The following CDH18 variants were observed in gnomAD, a reference collection of about 807,000 sequenced individuals.
The protein encoded by CDH18 is cadherin-18.
A neutral mutation model predicts 67.9 loss-of-function variants in CDH18; 31 were observed. That is an observed-to-expected ratio of 0.46 (90% CI 0.34 to 0.62). The LOEUF is 0.62. Ranked by LOEUF, CDH18 falls within the 20% of genes least tolerant of loss-of-function variation. CDH18 has a pLI of 0.01. For synonymous variants in CDH18, 362 were observed against 347.2 expected (o/e 1.04, Z -0.48); for missense variants, 890 against 975.5 (o/e 0.91, Z 1.17).
chr5:19,801,077 A>T (rs561522165), intron 3 of CDH18, among the ~76,000 whole-genome samples: 1 of 152,066 alleles, frequency 6.6e-6, no homozygotes, highest in East Asian at 1.9e-4. Context: ...GCGCCACTGC[A>T]CTCCAGCCTG....
intron 1 of CDH18, among the ~76,000 whole-genome samples, chr5:20,550,968 A>T (rs1757602196): frequency 6.6e-6 from 1 of 152,144 alleles, no homozygotes; most frequent in African/African-American, 2.4e-5. Context: ...CCTTTTAAAC[A>T]GCCAGCTCTC....
chr5:19,566,896 A>C (rs533916606), intron 8 of CDH18, among the ~76,000 whole-genome samples: 2 of 152,222 alleles, frequency 1.3e-5, no homozygotes, highest in Non-Finnish European at 2.9e-5. Context: ...ACAGTAATTC[A>C]GCCATAAAAT....
chr5:19,687,188 G>A (rs577254206), intron 5 of CDH18, among the ~76,000 whole-genome samples: 1 of 152,244 alleles, frequency 6.6e-6, no homozygotes, highest in Non-Finnish European at 1.5e-5. Flanking sequence ...ACTGGCTTGG[G>A]GAGCTACCTG....
chr5:19,662,142 CT>C (rs70950081), intron 5 of CDH18, among the ~76,000 whole-genome samples: 158 of 147,684 alleles, frequency 1.1e-3, no homozygotes, highest in African/African-American at 1.2e-3. Context: ...TTAAAGATGA[CT>C]TTTTTTTTTT....
rs1001013972 is a variant in CDH18, at chr5:20,467,961, T to C, written c.-580+107501A>G. 3.3e-5 allele frequency among the ~76,000 whole-genome samples: 5 copies of C among 151,488 alleles called. No individual in the cohort carries two copies. The East Asian group carries it at 9.7e-4, about 29-fold the overall frequency. On this transcript the variant is annotated intron_variant, in intron 1 of 14. Transcript: ENST00000507958. ...CTTACTTTTTATTCCTTTGTTATTA[T>C]TATTCTATTTACTTACTTTTTATTT...
At chr5:19,650,517 T>C (rs971456314) in intron 5 of CDH18, among the ~76,000 whole-genome samples, 1 of 152,008 alleles carries the variant, frequency 6.6e-6, no homozygotes, top group Admixed American at 6.6e-5. Context: ...CTCCCTACAT[T>C]GTCTGAGCTA....
Position 20,103,145 on chromosome 5 carries a change from A to T in CDH18, c.-517-111131T>A, listed in dbSNP as rs191521732. ...GCTATGTCATGCGTCCCCAGTACAG[A>T]CAAGCGTTCTTTGAAACATCCCTTG... On this transcript the variant is annotated intron_variant, in intron 2 of 14. Coordinates refer to the CDH18 transcript ENST00000507958. 4.0e-4 allele frequency among the ~76,000 whole-genome samples: 61 copies of T among 152,300 alleles called. No individual in the cohort carries two copies. In the East Asian group the frequency reaches 0.01, roughly 25 times the overall value.
At chr5:20,055,139 C>T (rs984559597) in intron 2 of CDH18, among the ~76,000 whole-genome samples, 8 of 151,898 alleles carry the variant, frequency 5.3e-5, no homozygotes, top group African/African-American at 1.7e-4. Flanking sequence ...TTTTATTTTA[C>T]ATGTATTACT....
intron 2 of CDH18, among the ~76,000 whole-genome samples, chr5:20,243,168 C>A (rs962551448): frequency 2.0e-5 from 3 of 151,770 alleles, no homozygotes; most frequent in Non-Finnish European, 4.4e-5. Context: ...AGTTAGATAG[C>A]CAGAATTTGA....
intron 2 of CDH18, among the ~76,000 whole-genome samples, chr5:19,918,472 A>T (rs1281821639): frequency 6.6e-6 from 1 of 152,208 alleles, no homozygotes; most frequent in African/African-American, 2.4e-5. Context: ...CTGCAAATGA[A>T]TAAACATAAT....
At chr5:19,620,524 TAG>T (rs1215269446) in intron 5 of CDH18, among the ~76,000 whole-genome samples, 1 of 151,186 alleles carries the variant, frequency 6.6e-6, no homozygotes, top group African/African-American at 2.4e-5. Context: ...GAGGGAGAGA[TAG>T]AGAGAAAAGA....
chr5:20,226,301 C>T, intron 2 of CDH18, among the ~76,000 whole-genome samples: 1 of 152,114 alleles, frequency 6.6e-6, no homozygotes, highest in East Asian at 1.9e-4. Context: ...TCGGTATTAG[C>T]TGTCACTGTC....
intron 1 of CDH18, among the ~76,000 whole-genome samples, chr5:20,346,101 A>T (rs1740673624): frequency 6.6e-6 from 1 of 152,034 alleles, no homozygotes; most frequent in Admixed American, 6.6e-5. Flanking sequence ...CAGAAATCCA[A>T]CCGTTTAGAA....
At chr5:20,006,893 A>T (rs1035207198) in intron 2 of CDH18, among the ~76,000 whole-genome samples, 20 of 151,972 alleles carry the variant, frequency 1.3e-4, no homozygotes, top group Non-Finnish European at 2.4e-4. Context: ...GGAAATATGC[A>T]TTTATAAGAC....
At chr5:20,338,300 C>T (rs1211482530) in intron 1 of CDH18, among the ~76,000 whole-genome samples, 1 of 152,138 alleles carries the variant, frequency 6.6e-6, no homozygotes, top group African/African-American at 2.4e-5. Flanking sequence ...CCTATCAAGC[C>T]CCAAACCTCT....
At chr5:19,563,137 A>G (rs1405925333) in intron 8 of CDH18, among the ~76,000 whole-genome samples, 2 of 152,110 alleles carry the variant, frequency 1.3e-5, no homozygotes, top group African/African-American at 4.8e-5. Context: ...CTAATTTTTG[A>G]TACTTGACTT....
intron 2 of CDH18, among the ~76,000 whole-genome samples, chr5:19,864,488 C>T (rs1350348778): frequency 1.3e-5 from 2 of 151,756 alleles, no homozygotes; most frequent in African/African-American, 4.8e-5. Context: ...TGTAACTAAC[C>T]TGCACATTGT....
At chr5:20,372,981 A>G (rs1383186508) in intron 1 of CDH18, among the ~76,000 whole-genome samples, 2 of 152,210 alleles carry the variant, frequency 1.3e-5, no homozygotes, top group African/African-American at 4.8e-5. Flanking sequence ...GAATTTCATT[A>G]CTTGGCTACT....
chr5:20,138,386 T>C (rs1205877752), intron 2 of CDH18, among the ~76,000 whole-genome samples: 2 of 152,084 alleles, frequency 1.3e-5, no homozygotes, highest in Non-Finnish European at 1.5e-5. Context: ...CTGGAAGCAT[T>C]CCCTTTGAAA....
Sources: allele counts gnomAD v4.1 joint callset (sites outside exome capture counted in the v4.1 genomes callset), GRCh38; gene constraint gnomAD v4.1.1; transcripts MANE v1.5; gene names NCBI Gene and HGNC (gene_info 2026-07-23, HGNC 2026-07-21).